The following KATNIP variants were observed in gnomAD, a reference collection of about 807,000 sequenced individuals.
KATNIP encodes the protein katanin-interacting protein.
In KATNIP, 126 loss-of-function variants were observed where a neutral mutation model predicts 174.0. That is an observed-to-expected ratio of 0.72 (90% confidence interval 0.63 to 0.84). The LOEUF is 0.84. Among genes scored for constraint, KATNIP ranks in the 40% least tolerant of loss-of-function variants. KATNIP has a pLI of 0.00. For synonymous variants in KATNIP, 810 were observed against 835.7 expected, an observed-to-expected ratio of 0.97 and a Z score of 0.53; for missense variants, 1,958 against 2,109.7, an observed-to-expected ratio of 0.93 and a Z score of 1.41.
chr16:27,723,493 C>T (rs1040871844), intron 14 of KATNIP, among the ~76,000 whole-genome samples: 1 of 151,926 alleles, frequency 6.6e-6, no homozygotes, highest in South Asian at 2.1e-4. Context: ...CTGCCCCTTG[C>T]GCTTCTCTGG....
intron 6 of KATNIP, 25 bp from the exon 7 acceptor site, chr16:27,677,704 C>T (rs1378774630): frequency 6.3e-7 from 1 of 1,584,610 alleles, no homozygotes; most frequent in East Asian, 2.3e-5. Flanking sequence ...ATTTATCTCT[C>T]ATCTCTCTTC....
At position 27,690,956 on chromosome 16, in the gene KATNIP, G is replaced by A. The variant is rs35349161; in HGVS notation, c.941-7372G>A. 2.5e-3 allele frequency among the ~76,000 whole-genome samples: 378 copies of A among 151,948 alleles called. 16 individuals are homozygous for A. The East Asian group carries it at 0.064, about 26-fold the overall frequency. On this transcript the variant is annotated intron_variant, in intron 8 of 27. Coordinates refer to ENST00000261588, the MANE Select transcript of KATNIP (RefSeq NM_015202.5). ...TCAGGTGGATTTCCTTTTTTTTTGAGCTTGGCATCTATTTTCAATTTTTCT... is the reference window on the plus strand; with the variant it reads ...TCAGGTGGATTTCCTTTTTTTTTGAACTTGGCATCTATTTTCAATTTTTCT...
At chr16:27,706,546 C>T (rs207475836) in intron 12 of KATNIP, among the ~76,000 whole-genome samples, 1 of 152,142 alleles carries the variant, frequency 6.6e-6, no homozygotes, top group Non-Finnish European at 1.5e-5. Flanking sequence ...GCCAGTGTCC[C>T]CCTCCCACCG....
intron 3 of KATNIP, among the ~76,000 whole-genome samples, chr16:27,622,062 AGTGGAGTCAGTTTCACCCG>A (rs1225681439): frequency 2.0e-5 from 3 of 152,088 alleles, no homozygotes; most frequent in Admixed American, 6.5e-5. Context: ...TACATTGTGC[AGTGGAGTCAGTTTCACCCG>A]GTGGAGTCAG....
At chr16:27,557,430 ATTTTTT>A (rs35106167) in intron 1 of KATNIP, among the ~76,000 whole-genome samples, 2 of 119,434 alleles carry the variant, frequency 1.7e-5, no homozygotes, top group African/African-American at 6.2e-5. Context: ...ACAGGTGTGG[ATTTTTT>A]TTTTTTTTTT....
At chr16:27,758,818 T>C (rs529904346) in intron 18 of KATNIP, among the ~76,000 whole-genome samples, 1 of 152,362 alleles carries the variant, frequency 6.6e-6, no homozygotes, top group Admixed American at 6.5e-5. Flanking sequence ...TGTTGCTATT[T>C]TCTTTCATAG....
chr16:27,689,489 T>A (rs2078638531), intron 8 of KATNIP, among the ~76,000 whole-genome samples: 1 of 151,866 alleles, frequency 6.6e-6, no homozygotes. Flanking sequence ...GACTGTAACA[T>A]CCAAGAGTAG....
chr16:27,767,370 C>T (rs1032865094), intron 20 of KATNIP, among the ~76,000 whole-genome samples: 1 of 152,192 alleles, frequency 6.6e-6, no homozygotes, highest in Non-Finnish European at 1.5e-5. Context: ...CAGGTGATCC[C>T]CAGATCTGGG....
intron 2 of KATNIP, among the ~76,000 whole-genome samples, chr16:27,579,182 A>G (rs2090603711): frequency 6.6e-6 from 1 of 152,236 alleles, no homozygotes; most frequent in Non-Finnish European, 1.5e-5. Flanking sequence ...TACAGCATCC[A>G]CACTGGTGCC....
At chr16:27,759,475 A>G (rs1316127221) in intron 18 of KATNIP, among the ~76,000 whole-genome samples, 3 of 152,232 alleles carry the variant, frequency 2.0e-5, no homozygotes, top group Admixed American at 6.5e-5. Flanking sequence ...CACAACTACC[A>G]TGAATTATAT....
At chr16:27,659,073 T>A (rs939970482) in intron 6 of KATNIP, among the ~76,000 whole-genome samples, 1 of 152,076 alleles carries the variant, frequency 6.6e-6, no homozygotes, top group Non-Finnish European at 1.5e-5. Context: ...GGCCTGTAGG[T>A]CAATTTGTAT....
intron 3 of KATNIP, among the ~76,000 whole-genome samples, chr16:27,621,682 G>A (rs905188543): frequency 2.6e-5 from 4 of 151,420 alleles, no homozygotes; most frequent in South Asian, 2.1e-4. Flanking sequence ...GCATGGTGCC[G>A]CCATCTGCTT....
intron 1 of KATNIP, among the ~76,000 whole-genome samples, chr16:27,570,543 G>C (rs1163061215): frequency 6.6e-6 from 1 of 152,144 alleles, no homozygotes; most frequent in African/African-American, 2.4e-5. Flanking sequence ...CTCCAGCCTG[G>C]ACAACAGAGT....
intron 12 of KATNIP, among the ~76,000 whole-genome samples, chr16:27,705,698 C>T (rs1399137820): frequency 1.3e-5 from 2 of 152,116 alleles, no homozygotes; most frequent in African/African-American, 4.8e-5. Context: ...ATTTTAGAGA[C>T]AGGGCCTTGC....
At position 27,648,614 on chromosome 16, in the gene KATNIP, A is replaced by G; in HGVS notation, c.419A>G (p.Gln140Arg). ...QRRGWHQKSV[Q>R]IRTEAGPRLH... ...TGCATTTTTGTACAGAAATCTGTGC[A>G]GATCAGAACAGAAGCTGGCCCACGG... The change falls in exon 6 of 28, where the codon CAG becomes CGG. Residue 140 changes from glutamine (Q) to arginine (R), a missense_variant. This residue lies in a region of KATNIP where 1,557 missense variants were observed against 1,617.8 expected (regional missense o/e 0.96). Transcript: ENST00000261588. The G allele has an allele frequency of 6.2e-7, 1 of 1,614,190 alleles. No individual in the cohort carries two copies. Among genetic ancestry groups the G allele is most frequent in the East Asian group, 2.2e-5 (1 of 44,876 alleles).
chr16:27,703,937 G>A lies in KATNIP; in HGVS notation c.1328G>A (p.Ser443Asn). The change falls in exon 12 of 28, where the codon AGT becomes AAT. Residue 443 changes from serine to asparagine, a missense_variant. Ser to Asn is a conservative substitution (Grantham distance 46). Around this residue, in one of 3 missense-constraint regions of KATNIP, gnomAD observed 1,557 missense variants for 1,617.8 expected, o/e 0.96. Coordinates refer to ENST00000261588, the MANE Select transcript of KATNIP (RefSeq NM_015202.5). ...KLLKVLQAVE[S>N]DSAHLGRVVS... ...CTGAAAGTCCTCCAGGCCGTCGAAA[G>A]TGACTCTGCCCATCTCGGCAGGGTG... The A allele has an allele frequency of 1.2e-6, 2 of 1,614,246 alleles. No homozygotes were observed. The highest frequency in any genetic ancestry group is 1.7e-6 in the Non-Finnish European group (2 of 1,180,044).
At chr16:27,682,936 G>A (rs2078401803) in intron 8 of KATNIP, among the ~76,000 whole-genome samples, 1 of 152,154 alleles carries the variant, frequency 6.6e-6, no homozygotes, top group Non-Finnish European at 1.5e-5. Flanking sequence ...CCCTCACCAT[G>A]CACTGCCTCG....
intron 19 of KATNIP, among the ~76,000 whole-genome samples, chr16:27,765,298 C>T (rs543990902): frequency 2.6e-5 from 4 of 152,316 alleles, no homozygotes; most frequent in East Asian, 1.9e-4. Flanking sequence ...GCGAGAGGCA[C>T]GATTGTCCTT....
chr16:27,720,061 T>TA (rs1185056372), intron 13 of KATNIP, among the ~76,000 whole-genome samples: 1 of 152,214 alleles, frequency 6.6e-6, no homozygotes, highest in African/African-American at 2.4e-5. Context: ...ACCAAACAAA[T>TA]ACCTGTGTAA....
Sources: allele counts gnomAD v4.1 joint callset (sites outside exome capture counted in the v4.1 genomes callset), GRCh38; gene constraint gnomAD v4.1.1; regional missense constraint gnomAD v4.1.1; transcripts MANE v1.5; gene names NCBI Gene and HGNC (gene_info 2026-07-23, HGNC 2026-07-21).